TMPRSS11F: variants seen among roughly 807,000 people sequenced by gnomAD.
TMPRSS11F encodes transmembrane protease serine 11F.
TMPRSS11F carries 47 observed loss-of-function variants against 60.2 expected under a neutral mutation model. That is an observed-to-expected ratio of 0.78 (90% CI 0.62 to 1.00). The LOEUF (loss-of-function observed/expected upper bound fraction) is 1.00, where lower values mean the gene tolerates loss of function less well. TMPRSS11F is among the 50% of genes least tolerant of loss of function. TMPRSS11F has a pLI of 0.00. For synonymous variants in TMPRSS11F, 166 were observed against 167.3 expected, an observed-to-expected ratio of 0.99 and a Z score of 0.06; for missense variants, 519 against 522.9, an observed-to-expected ratio of 0.99 and a Z score of 0.07.
At chr4:68,086,034 C>A (rs1303166717) in intron 3 of TMPRSS11F, among the ~76,000 whole-genome samples, 2 of 152,066 alleles carry the variant, frequency 1.3e-5, no homozygotes, top group East Asian at 1.9e-4. Flanking sequence ...CTGGACCTAA[C>A]AAACACCTAC....
chr4:68,064,348 C>T (rs567967574), intron 8 of TMPRSS11F, among the ~76,000 whole-genome samples: 1 of 151,982 alleles, frequency 6.6e-6, no homozygotes, highest in African/African-American at 2.4e-5. Context: ...CCATGCCCAG[C>T]TAATTTTTTT....
chr4:68,124,945 A>ATTTTCT (rs1724688085), intron 1 of TMPRSS11F, among the ~76,000 whole-genome samples: 1 of 94,100 alleles, frequency 1.1e-5, no homozygotes, highest in African/African-American at 3.8e-5. Flanking sequence ...CTAAACCAGC[A>ATTTTCT]TTTTTTTTTT....
At chr4:68,125,054 T>A (rs1186065360) in intron 1 of TMPRSS11F, among the ~76,000 whole-genome samples, 17 of 150,088 alleles carry the variant, frequency 1.1e-4, no homozygotes, top group African/African-American at 3.4e-4. Flanking sequence ...CCATATATTA[T>A]ATTCTACAAA....
intron 3 of TMPRSS11F, among the ~76,000 whole-genome samples, chr4:68,087,519 G>C (rs1397361766): frequency 3.3e-5 from 5 of 151,818 alleles, no homozygotes; most frequent in Non-Finnish European, 7.4e-5. Context: ...AGAGTAATGA[G>C]GCAAGAGAAA....
At chr4:68,113,441 A>G (rs914766821) in intron 1 of TMPRSS11F, among the ~76,000 whole-genome samples, 6 of 150,794 alleles carry the variant, frequency 4.0e-5, no homozygotes, top group African/African-American at 1.5e-4. Context: ...AATATCCGTG[A>G]AGTGCAGTAA....
In TMPRSS11F at chr4:68,084,834, C is replaced by T. The variant is rs372317650; in HGVS notation, c.282+5689G>A. Among the ~76,000 whole-genome samples, 49 of 145,564 alleles carry T rather than the reference C, an allele frequency of 3.4e-4. 1 individual carries two copies. The East Asian group carries it at 9.5e-3, about 28-fold the overall frequency. On this transcript the variant is annotated intron_variant, in intron 3 of 9. Coordinates refer to ENST00000356291, the MANE Select transcript of TMPRSS11F (RefSeq NM_207407.2). Reference sequence around the variant, plus strand: ...GTGCCATGCTGGTGCGCTGCACCCACTAACTCGTCATCTAGCATTAGGTAT... The same window carrying T: ...GTGCCATGCTGGTGCGCTGCACCCATTAACTCGTCATCTAGCATTAGGTAT...
chr4:68,095,392 C>G (rs1298578734), intron 2 of TMPRSS11F, among the ~76,000 whole-genome samples: 1 of 152,018 alleles, frequency 6.6e-6, no homozygotes, highest in Non-Finnish European at 1.5e-5. Flanking sequence ...GCAGAAAATC[C>G]AAATGAGCGA....
chr4:68,074,191 G>A lies in TMPRSS11F; in HGVS notation c.283-182C>T, dbSNP rs1265477326. 3.3e-5 allele frequency among the ~76,000 whole-genome samples: 5 copies of A among 152,162 alleles called. No individual in the cohort carries two copies. The East Asian group carries it at 9.6e-4, about 29-fold the overall frequency. On this transcript the variant is annotated intron_variant, in intron 3 of 9. Coordinates refer to ENST00000356291, the MANE Select transcript of TMPRSS11F (RefSeq NM_207407.2). ...TCCCAGTCATGTTAATGGGTACACT[G>A]ACAGTTGTAAGACTAAACCTGGGGT...
chr4:68,055,094 G>A (rs772348697), intron 9 of TMPRSS11F, among the ~76,000 whole-genome samples: 12 of 152,122 alleles, frequency 7.9e-5, no homozygotes, highest in Non-Finnish European at 1.2e-4. Context: ...TCTGTGGCGC[G>A]AAGGAGCCTG....
At position 68,053,820 on chromosome 4, in the gene TMPRSS11F, C is replaced by T; in HGVS notation, c.*89G>A. 1.5e-6 allele frequency: 2 copies of T among 1,351,844 alleles called. No homozygotes were observed. Among genetic ancestry groups the T allele is most frequent in the Admixed American group, 4.1e-5 (2 of 49,348 alleles). 83.7% of individuals were successfully genotyped at this position (1,351,844 alleles called of 1,614,324 possible). Reference sequence around the variant, plus strand: ...GGCTTCTTGACATCTAGCAAAAGCACTAATCCAAAGTAAATGAATTTAAAC... The same window carrying T: ...GGCTTCTTGACATCTAGCAAAAGCATTAATCCAAAGTAAATGAATTTAAAC... On this transcript the variant is annotated 3_prime_UTR_variant, in exon 10 of 10. Coordinates refer to ENST00000356291, the MANE Select transcript of TMPRSS11F (RefSeq NM_207407.2).
chr4:68,079,401 G>A lies in TMPRSS11F; in HGVS notation c.283-5392C>T, dbSNP rs971855476. 3.3e-5 allele frequency among the ~76,000 whole-genome samples: 5 copies of A among 152,112 alleles called. No homozygotes were observed. The South Asian group carries it at 1.0e-3, about 32-fold the overall frequency. Reference sequence around the variant, plus strand: ...AAAGTTGGTGGGAGACAGGCAGGTAGGAAGGTCATGGTGAAAGAAACCCTT... The same window carrying A: ...AAAGTTGGTGGGAGACAGGCAGGTAAGAAGGTCATGGTGAAAGAAACCCTT... On this transcript the variant is annotated intron_variant, in intron 3 of 9. Transcript: ENST00000356291.
chr4:68,089,949 T>C (rs1723889901), intron 3 of TMPRSS11F, among the ~76,000 whole-genome samples: 1 of 152,106 alleles, frequency 6.6e-6, no homozygotes. Context: ...ATGCTTTTCA[T>C]GGGACAAAAA....
intron 1 of TMPRSS11F, among the ~76,000 whole-genome samples, chr4:68,112,290 A>G (rs999149769): frequency 4.6e-5 from 7 of 151,716 alleles, no homozygotes; most frequent in Non-Finnish European, 1.0e-4. Flanking sequence ...CCCCATCGGC[A>G]CTGTTTTTTT....
chr4:68,089,300 C>T (rs1457126340), intron 3 of TMPRSS11F, among the ~76,000 whole-genome samples: 1 of 152,140 alleles, frequency 6.6e-6, no homozygotes, highest in Non-Finnish European at 1.5e-5. Flanking sequence ...GCATATCTTA[C>T]TATATCAATG....
chr4:68,114,016 G>C (rs770368696), intron 1 of TMPRSS11F, among the ~76,000 whole-genome samples: 3 of 151,880 alleles, frequency 2.0e-5, no homozygotes, highest in Non-Finnish European at 4.4e-5. Context: ...TAAACAACAA[G>C]CTTCTAAATG....
Position 68,066,777 on chromosome 4 carries a change from T to G in TMPRSS11F, c.756-1833A>C, listed in dbSNP as rs1278327476. On this transcript the variant is annotated intron_variant, in intron 7 of 9. Coordinates refer to ENST00000356291, the MANE Select transcript of TMPRSS11F (RefSeq NM_207407.2). ...GGTGAAACCCTGTCACTACTAAAAA[T>G]AAAAAAATTAGCTGGGCGCGGTGGC... 2.6e-5 allele frequency among the ~76,000 whole-genome samples: 4 copies of G among 151,442 alleles called. No individual in the cohort carries two copies. The East Asian group carries it at 7.8e-4, about 29-fold the overall frequency.
At chr4:68,104,327 T>A (rs1439551382) in intron 1 of TMPRSS11F, among the ~76,000 whole-genome samples, 1 of 152,170 alleles carries the variant, frequency 6.6e-6, no homozygotes, top group Non-Finnish European at 1.5e-5. Context: ...GTGGTTTGGC[T>A]GTGTCCCCAT....
chr4:68,084,211 C>A (rs1007476877), intron 3 of TMPRSS11F, among the ~76,000 whole-genome samples: 1 of 151,944 alleles, frequency 6.6e-6, no homozygotes, highest in Non-Finnish European at 1.5e-5. Context: ...TCCAGATATA[C>A]AAGAAGAGAG....
chr4:68,073,462 G>A (rs1226147349), intron 4 of TMPRSS11F, among the ~76,000 whole-genome samples: 1 of 151,772 alleles, frequency 6.6e-6, no homozygotes. Flanking sequence ...AAAGTGGAAA[G>A]GAGAAAGGAA....
Sources: allele counts gnomAD v4.1 joint callset (sites outside exome capture counted in the v4.1 genomes callset), GRCh38; gene constraint gnomAD v4.1.1; transcripts MANE v1.5; gene names NCBI Gene and HGNC (gene_info 2026-07-23, HGNC 2026-07-21).